ZC3H18: variants seen among roughly 807,000 people sequenced by gnomAD.
The protein encoded by ZC3H18 is zinc finger CCCH domain-containing protein 18.
Under a neutral mutation model 106.1 loss-of-function variants are expected in ZC3H18, and 8 were observed. The observed-to-expected ratio is 0.08, with a 90% CI of 0.04 to 0.14. The LOEUF (loss-of-function observed/expected upper bound fraction) is 0.14, where lower values mean the gene tolerates loss of function less well. Among genes scored for constraint, ZC3H18 ranks in the 10% least tolerant of loss-of-function variants. ZC3H18 has a pLI of 1.00. For missense variants in ZC3H18, 1,318 were observed against 1,278.4 expected (o/e 1.03, Z -0.47); for synonymous variants, 635 against 522.1 (o/e 1.22, Z -2.95).
At chr16:88,616,383 G>C (rs1198434167) in intron 8 of ZC3H18, among the ~76,000 whole-genome samples, 1 of 152,196 alleles carries the variant, frequency 6.6e-6, no homozygotes, top group Non-Finnish European at 1.5e-5. Flanking sequence ...TGCTCCTGGG[G>C]CTGCCCTCAG....
chr16:88,594,495 C>T (rs1041534968), intron 3 of ZC3H18, among the ~76,000 whole-genome samples: 4 of 152,156 alleles, frequency 2.6e-5, no homozygotes, highest in Non-Finnish European at 5.9e-5. Context: ...GTTTAGTTTC[C>T]GGATTTTCCA....
At chr16:88,583,187 A>G (rs968785944) in intron 2 of ZC3H18, among the ~76,000 whole-genome samples, 13 of 152,190 alleles carry the variant, frequency 8.5e-5, no homozygotes, top group African/African-American at 3.1e-4. Context: ...GTGTGAAATA[A>G]CTTTTTTCTT....
chr16:88,588,810 T>A (rs1431926703), intron 3 of ZC3H18, among the ~76,000 whole-genome samples: 1 of 151,604 alleles, frequency 6.6e-6, no homozygotes, highest in Non-Finnish European at 1.5e-5. Flanking sequence ...CACTTGAGCC[T>A]GGGAAGTTGA....
chr16:88,575,050 C>G (rs1386061912), intron 1 of ZC3H18, among the ~76,000 whole-genome samples: 1 of 149,450 alleles, frequency 6.7e-6, no homozygotes, highest in Non-Finnish European at 1.5e-5. Flanking sequence ...AGGATGGTCT[C>G]GATCTCCTGA....
At chr16:88,593,524 A>G (rs547935227) in intron 3 of ZC3H18, among the ~76,000 whole-genome samples, 2 of 152,342 alleles carry the variant, frequency 1.3e-5, no homozygotes, top group Non-Finnish European at 2.9e-5. Context: ...GAAACTGTGG[A>G]AAGCCAGAAA....
In ZC3H18 at chr16:88,577,572, C is replaced by G. The variant is rs199813821; in HGVS notation, c.449C>G (p.Ala150Gly). The G allele has an allele frequency of 5.6e-6, 9 of 1,613,390 alleles. No individual in the cohort carries two copies. The highest frequency in any genetic ancestry group is 5.9e-6 in the Non-Finnish European group (7 of 1,179,838). The change falls in exon 2 of 18, where the codon GCG (alanine) becomes GGG (glycine). Residue 150 changes from alanine to glycine, a missense_variant. Ala to Gly is a moderately conservative substitution (Grantham distance 60). Transcript: ENST00000301011. ...GTCCAGGAGGACGAGGCTGAGAAAG[C>G]GGGGGCTGAGGATGATGAGGAGAAA... ...PAVQEDEAEK[A>G]GAEDDEEKGE... is the part of the protein sequence containing the mutation.
At chr16:88,610,398 G>A (rs1025352697) in intron 7 of ZC3H18, among the ~76,000 whole-genome samples, 2 of 152,198 alleles carry the variant, frequency 1.3e-5, no homozygotes, top group Non-Finnish European at 2.9e-5. Context: ...CCTGCTCGAT[G>A]CTCTTGTGCC....
At chr16:88,630,434 G>C (rs1177527423) in intron 16 of ZC3H18, 51 bp from the exon 17 acceptor site, 7 of 1,505,460 alleles carry the variant, frequency 4.6e-6, no homozygotes, top group Non-Finnish European at 6.4e-6. Flanking sequence ...CACCCACACA[G>C]CCATTCCCTG....
In ZC3H18 at chr16:88,630,762, C is replaced by CA. The variant is rs1414300707; in HGVS notation, c.2663+181_2663+182insA. On this transcript the variant is annotated intron_variant, in intron 17 of 17. Transcript: ENST00000301011. ...AATTGCAGCCCCACCCCCCACCCCC[C>CA]CCCACACACACACACACGCTCCTGC... 2.4e-4 allele frequency among the ~76,000 whole-genome samples: 27 copies of CA among 111,318 alleles called. 5 individuals carry two copies. Among genetic ancestry groups the CA allele is most frequent in the African/African-American group, 8.2e-4 (27 of 33,098 alleles). The allele number at this position is 111,318 out of a possible 152,430, so 73.0% of individuals were successfully genotyped here.
intron 3 of ZC3H18, among the ~76,000 whole-genome samples, chr16:88,596,914 C>T (rs1317636994): frequency 1.3e-5 from 2 of 152,076 alleles, no homozygotes; most frequent in African/African-American, 2.4e-5. Flanking sequence ...CATTTCCCAA[C>T]CTCTTTTGTT....
chr16:88,625,880 T>C lies in ZC3H18; in HGVS notation c.2108+613T>C, dbSNP rs1906278872. ...TTTTTTTGAGACAGTTTCATTCTTG[T>C]TGCCCAGGCTGGAGTGCAATGGCGC... On this transcript the variant is annotated intron_variant, in intron 13 of 17. Coordinates refer to ENST00000301011, the MANE Select transcript of ZC3H18 (RefSeq NM_144604.4). 4.7e-5 allele frequency: 7 copies of C among 150,276 alleles called. No individual in the cohort carries two copies. In the Admixed American group the frequency reaches 4.7e-4, roughly 10 times the overall value. 9.3% of individuals were successfully genotyped at this position (150,276 alleles called of 1,614,324 possible). A position where few individuals can be genotyped will look rare whatever the true frequency, so the allele number is the denominator to read the frequency against.
chr16:88,589,945 T>C lies in ZC3H18; in HGVS notation c.688+3261T>C, dbSNP rs142933982. 3.3e-3 allele frequency among the ~76,000 whole-genome samples: 508 copies of C among 152,352 alleles called. 4 individuals are homozygous for C. Among genetic ancestry groups the C allele is most frequent in the African/African-American group, 0.012 (480 of 41,578 alleles). On this transcript the variant is annotated intron_variant, in intron 3 of 17. Transcript: ENST00000301011. ...TTGTACACATTAAATGGGAGTATTT[T>C]ATGTTATGTGAATTGTGTCACAATT...
intron 8 of ZC3H18, among the ~76,000 whole-genome samples, chr16:88,617,404 A>T (rs1905686074): frequency 6.6e-6 from 1 of 152,182 alleles, no homozygotes; most frequent in Non-Finnish European, 1.5e-5. Context: ...AGAACCTTTC[A>T]ATCAATTCTA....
intron 8 of ZC3H18, among the ~76,000 whole-genome samples, chr16:88,619,036 G>C (rs898643370): frequency 4.6e-5 from 7 of 152,174 alleles, no homozygotes; most frequent in Non-Finnish European, 1.5e-5. Flanking sequence ...GATGTCCCCT[G>C]GGGTGACATT....
At position 88,631,266 on chromosome 16, in the gene ZC3H18, A is replaced by G. The variant is rs1163444617; in HGVS notation, c.2829A>G (p.Ala943=). The stretch of plus-strand genomic sequence containing the variant: ...TGAAGGCCGTGGAGGATGCTATTGC[A>G]CGCAAGCGGGCCAAGATCCCCGGGA... ...KQLKAVEDAI[A]RKRAKIPGKA The change falls in exon 18 of 18, where the codon GCA becomes GCG. Residue 943 remains alanine, a synonymous_variant. Coordinates refer to ENST00000301011, the MANE Select transcript of ZC3H18 (RefSeq NM_144604.4). 6.2e-7 allele frequency: 1 copy of G among 1,603,136 alleles called. No homozygotes were observed. The highest frequency in any genetic ancestry group is 8.5e-7 in the Non-Finnish European group (1 of 1,175,300).
chr16:88,609,324 G>A, intron 7 of ZC3H18: 1 of 240,442 alleles, frequency 4.2e-6, no homozygotes, highest in South Asian at 4.8e-5. Flanking sequence ...TTGAGATAGG[G>A]TCCCACTCTG....
intron 1 of ZC3H18, among the ~76,000 whole-genome samples, chr16:88,572,759 C>T (rs1567573027): frequency 6.6e-6 from 1 of 150,880 alleles, no homozygotes; most frequent in African/African-American, 2.4e-5. Flanking sequence ...CTTCGTAGCA[C>T]CTTATTACTA....
chr16:88,598,472 C>T (rs1234088963), intron 4 of ZC3H18, 146 bp downstream of exon 4: 4 of 1,470,004 alleles, frequency 2.7e-6, no homozygotes, highest in Admixed American at 2.1e-5. Context: ...AAGCAGGCCT[C>T]GGCTTTCCGA....
intron 7 of ZC3H18, among the ~76,000 whole-genome samples, chr16:88,609,755 A>C (rs1905185348): frequency 6.6e-6 from 1 of 151,600 alleles, no homozygotes; most frequent in Admixed American, 6.6e-5. Flanking sequence ...GCCCACCATC[A>C]CACCTGGCTA....
Sources: allele counts gnomAD v4.1 joint callset (sites outside exome capture counted in the v4.1 genomes callset), GRCh38; gene constraint gnomAD v4.1.1; transcripts MANE v1.5; gene names NCBI Gene and HGNC (gene_info 2026-07-23, HGNC 2026-07-21).